The following AK5 variants were observed in gnomAD, a reference collection of about 807,000 sequenced individuals.
AK5 encodes the protein adenylate kinase isoenzyme 5.
A neutral mutation model predicts 69.5 loss-of-function variants in AK5; 27 were observed. The ratio of observed to expected loss-of-function variants is 0.39; its 90% confidence interval spans 0.29 to 0.54. AK5 has a LOEUF of 0.54. Ranked by LOEUF, AK5 falls within the 20% of genes least tolerant of loss-of-function variation. AK5 has a pLI of 0.71. For missense variants in AK5, 531 were observed against 700.4 expected, an observed-to-expected ratio of 0.76 and a Z score of 2.73; for synonymous variants, 260 against 244.4, an observed-to-expected ratio of 1.06 and a Z score of -0.60.
intron 5 of AK5, among the ~76,000 whole-genome samples, chr1:77,310,977 C>T (rs1045246428): frequency 2.0e-5 from 3 of 152,062 alleles, no homozygotes; most frequent in Non-Finnish European, 4.4e-5. Flanking sequence ...AGGTTTGCTA[C>T]TATTGTGAAT....
intron 10 of AK5, among the ~76,000 whole-genome samples, chr1:77,510,463 G>A (rs989421233): frequency 6.6e-6 from 1 of 152,056 alleles, no homozygotes; most frequent in Non-Finnish European, 1.5e-5. Context: ...TTTCCAAGAG[G>A]ATAGGGAGTC....
rs956220370 is a variant in AK5 at position 77,559,682 on chromosome 1, C to T, written c.*1012C>T. 2.6e-5 allele frequency: 4 copies of T among 152,132 alleles called. No individual in the cohort carries two copies. Among genetic ancestry groups the T allele is most frequent in the African/African-American group, 9.7e-5 (4 of 41,430 alleles). The allele number at this position is 152,132 out of a possible 1,614,324, so 9.4% of individuals were successfully genotyped here. A position where few individuals can be genotyped will look rare whatever the true frequency, so the allele number is the denominator to read the frequency against. ...CCAGGAGTTTGCAAACCTTGTCATA[C>T]CCATATGCAAAACTGTGTTTCCTTG... On this transcript the variant is annotated 3_prime_UTR_variant, in exon 14 of 14. Coordinates refer to ENST00000354567, the MANE Select transcript of AK5 (RefSeq NM_174858.3).
intron 10 of AK5, among the ~76,000 whole-genome samples, chr1:77,506,179 G>A (rs573107489): frequency 9.9e-5 from 15 of 152,062 alleles, no homozygotes; most frequent in Admixed American, 2.0e-4. Context: ...TGGAACAGGC[G>A]CTGGAGACCT....
Position 77,467,458 on chromosome 1 carries a change from T to A in AK5, c.1060-15859T>A, listed in dbSNP as rs188367226. 1.0e-3 allele frequency among the ~76,000 whole-genome samples: 143 copies of A among 137,072 alleles called. 1 individual carries two copies. Among genetic ancestry groups the A allele is most frequent in the Admixed American group, 8.2e-3 (118 of 14,372 alleles). The allele number at this position is 137,072 out of a possible 152,430, so 89.9% of individuals were successfully genotyped here. The stretch of plus-strand genomic sequence containing the variant: ...AAACACTTCGGAAATCCAAGGCTGA[T>A]GATTTGGAAATGTGCCTTTGTGAAG... On this transcript the variant is annotated intron_variant, in intron 8 of 13. Transcript: ENST00000354567.
At chr1:77,553,133 G>T (rs1659900406) in intron 13 of AK5, among the ~76,000 whole-genome samples, 1 of 152,178 alleles carries the variant, frequency 6.6e-6, no homozygotes, top group African/African-American at 2.4e-5. Context: ...GTTTTCTTTT[G>T]GAAAGAAGGT....
At chr1:77,287,316 C>T (rs2100641845) in intron 2 of AK5, among the ~76,000 whole-genome samples, 189 bp downstream of exon 2, 1 of 152,262 alleles carries the variant, frequency 6.6e-6, no homozygotes, top group Middle Eastern at 3.4e-3. Context: ...AATTATCTAC[C>T]ATTGTCCAAC....
At chr1:77,477,204 T>A (rs1056391732) in intron 8 of AK5, among the ~76,000 whole-genome samples, 2 of 152,160 alleles carry the variant, frequency 1.3e-5, no homozygotes, top group African/African-American at 4.8e-5. Flanking sequence ...ATTTTTTAAA[T>A]TTTTTGTAGA....
intron 6 of AK5, among the ~76,000 whole-genome samples, chr1:77,352,142 G>T (rs139030509): frequency 6.6e-6 from 1 of 151,694 alleles, no homozygotes; most frequent in East Asian, 2.0e-4. Flanking sequence ...GTTGGCCAGG[G>T]TGGTCTCGAA....
intron 6 of AK5, among the ~76,000 whole-genome samples, chr1:77,402,821 T>C (rs1184278595): frequency 6.6e-6 from 1 of 152,326 alleles, no homozygotes; most frequent in Admixed American, 6.5e-5. Flanking sequence ...AGTAATGGGA[T>C]GGCTGGGTCA....
intron 2 of AK5, among the ~76,000 whole-genome samples, chr1:77,291,401 G>T (rs1570320201): frequency 1.3e-5 from 2 of 151,772 alleles, no homozygotes; most frequent in African/African-American, 2.4e-5. Context: ...TACTTTTTCT[G>T]CTCTTAGTCT....
chr1:77,437,774 A>C (rs1264783585), intron 8 of AK5, among the ~76,000 whole-genome samples: 1 of 152,124 alleles, frequency 6.6e-6, no homozygotes, highest in Admixed American at 6.5e-5. Flanking sequence ...TTTTAGAAAA[A>C]GGTATTTAAA....
intron 6 of AK5, among the ~76,000 whole-genome samples, chr1:77,397,885 G>C (rs1014914970): frequency 6.6e-6 from 1 of 152,114 alleles, no homozygotes; most frequent in Non-Finnish European, 1.5e-5. Context: ...CTAGGCAACG[G>C]AACAAGACGG....
chr1:77,304,369 A>G (rs1034533118), intron 5 of AK5, among the ~76,000 whole-genome samples: 4 of 151,394 alleles, frequency 2.6e-5, no homozygotes, highest in African/African-American at 9.7e-5. Flanking sequence ...ATGGCCAAAC[A>G]GTACTCCGTT....
chr1:77,479,959 A>G (rs1419573485), intron 8 of AK5, among the ~76,000 whole-genome samples: 1 of 152,206 alleles, frequency 6.6e-6, no homozygotes, highest in Non-Finnish European at 1.5e-5. Flanking sequence ...CGTCTCCTGA[A>G]TAAGCCTACA....
intron 8 of AK5, among the ~76,000 whole-genome samples, chr1:77,470,177 C>T (rs779899895): frequency 1.2e-4 from 19 of 152,124 alleles, no homozygotes; most frequent in Non-Finnish European, 5.9e-5. Flanking sequence ...GCTACAAAAG[C>T]GTCTGTTGCA....
chr1:77,458,904 T>C (rs1411496598), intron 8 of AK5, among the ~76,000 whole-genome samples: 1 of 152,204 alleles, frequency 6.6e-6, no homozygotes, highest in African/African-American at 2.4e-5. Context: ...CAGTCATTCC[T>C]AGTAGACCTC....
intron 5 of AK5, among the ~76,000 whole-genome samples, chr1:77,315,476 C>G (rs913222433): frequency 2.6e-5 from 4 of 152,030 alleles, no homozygotes; most frequent in African/African-American, 9.7e-5. Context: ...TTTTATCTCA[C>G]TAACATTTTA....
At chr1:77,539,813 T>G (rs898261686) in intron 13 of AK5, among the ~76,000 whole-genome samples, 10 of 152,248 alleles carry the variant, frequency 6.6e-5, no homozygotes, top group African/African-American at 2.4e-4. Flanking sequence ...TGTTTGCCCC[T>G]CCTCCCTGTT....
intron 8 of AK5, among the ~76,000 whole-genome samples, chr1:77,445,974 G>GC (rs1652727157): frequency 6.6e-6 from 1 of 152,122 alleles, no homozygotes; most frequent in Non-Finnish European, 1.5e-5. Flanking sequence ...TGTAGCCTGA[G>GC]CTTTTGGTGT....
Sources: gnomAD v4.1 joint callset for allele counts (sites outside exome capture counted in the v4.1 genomes callset) on GRCh38, gnomAD v4.1.1 for gene constraint, MANE v1.5 for transcripts, NCBI Gene and HGNC (gene_info 2026-07-23, HGNC 2026-07-21) for gene names.